GPI: variants seen among roughly 807,000 people sequenced by gnomAD.
The protein encoded by GPI is D-hexose-6-phosphate anomerase.
In GPI, 56 loss-of-function variants were observed where a neutral mutation model predicts 75.8. The ratio of observed to expected loss-of-function variants is 0.74; its 90% CI spans 0.60 to 0.92. The LOEUF (loss-of-function observed/expected upper bound fraction) is 0.92, where lower values mean the gene tolerates loss of function less well. GPI is among the 40% of genes least tolerant of loss of function. GPI has a pLI of 0.00. For missense variants in GPI, 638 were observed against 741.0 expected (o/e 0.86, Z 1.61); for synonymous variants, 288 against 285.4 (o/e 1.01, Z -0.09).
At chr19:34,396,213 C>G (rs925628245) in intron 12 of GPI, 88 bp from the exon 13 acceptor site, 1 of 1,482,352 alleles carries the variant, frequency 6.7e-7, no homozygotes, top group Non-Finnish European at 9.3e-7. Flanking sequence ...GCTGGAATTA[C>G]AGGCTTGAGC....
chr19:34,377,727 C>G lies in GPI; in HGVS notation c.487-8C>G. 6.2e-7 allele frequency: 1 copy of G among 1,613,796 alleles called. No homozygotes were observed. ...ATTCTTATTCTCTGATGCTATGTCT[C>G]CCCGCAGGGACCCCTCATGGTGACT... On this transcript the variant is annotated splice_region_variant and splice_polypyrimidine_tract_variant and intron_variant, in intron 5 of 17. Coordinates refer to ENST00000356487, the MANE Select transcript of GPI (RefSeq NM_000175.5).
At position 34,393,198 on chromosome 19, in the gene GPI, G is replaced by C; in HGVS notation, c.805-50G>C. 7.1e-7 allele frequency: 1 copy of C among 1,399,882 alleles called. No homozygotes were observed. The highest frequency in any genetic ancestry group is 1.0e-6 in the Non-Finnish European group (1 of 984,842). 86.7% of individuals were successfully genotyped at this position (1,399,882 alleles called of 1,614,324 possible). A position where few individuals can be genotyped will look rare whatever the true frequency, so the allele number is the denominator to read the frequency against. ...GGACAGGGTTTCCGGCAGGAGGTGG[G>C]GGGCGGGGTGTGCCGGCCCTCCCTC... On this transcript the variant is annotated intron_variant, in intron 9 of 17. Transcript: ENST00000356487. The surrounding 1 kb of genome is among the most constrained non-coding windows in gnomAD (Gnocchi z 4.4).
intron 16 of GPI, 35 bp from the exon 17 acceptor site, chr19:34,399,683 TG>T: frequency 1.2e-6 from 2 of 1,612,882 alleles, no homozygotes; most frequent in African/African-American, 1.3e-5. Flanking sequence ...AATGGGCTTG[TG>T]GAGCCCTGAT....
At chr19:34,392,763 G>C in intron 9 of GPI, 1 of 203,706 alleles carries the variant, frequency 4.9e-6, no homozygotes, top group Non-Finnish European at 9.6e-6. Flanking sequence ...GCATGGGTGT[G>C]AGACCCTGGG....
chr19:34,386,024 G>A (rs1392792854), intron 9 of GPI, among the ~76,000 whole-genome samples: 1 of 151,932 alleles, frequency 6.6e-6, no homozygotes, highest in African/African-American at 2.4e-5. Flanking sequence ...GTAAGCACAG[G>A]TAGGCAAAGC....
chr19:34,399,747 G>A lies in GPI; in HGVS notation c.1503G>A (p.Gln501=). 2 of 1,614,098 alleles carry A rather than the reference G, an allele frequency of 1.2e-6. No homozygotes were observed. The highest frequency in any genetic ancestry group is 1.7e-6 in the Non-Finnish European group (2 of 1,180,012). ...VAMYEHKIFV[Q]GIIWDINSFD... ...TGTATGAGCACAAGATCTTCGTTCA[G>A]GGCATCATCTGGGACATCAACAGCT... The change falls in exon 17 of 18, where the codon CAG becomes CAA. Residue 501 remains glutamine, a synonymous_variant. Coordinates refer to ENST00000356487, the MANE Select transcript of GPI (RefSeq NM_000175.5).
intron 6 of GPI, 83 bp downstream of exon 6, chr19:34,377,964 C>A: frequency 7.0e-7 from 1 of 1,437,132 alleles, no homozygotes; most frequent in Non-Finnish European, 9.8e-7. Context: ...TCCCCCTGGC[C>A]ATTGGTCCCT....
Position 34,368,636 on chromosome 19 carries a change from G to A in GPI, c.336G>A (p.Leu112=). Residue 112 remains leucine (L), a synonymous_variant, in exon 4 of 18, where the codon CTG becomes CTA. Transcript: ENST00000356487. ...GGAACCGGTCAAACACACCCATCCTGGTAGACGGCAAGGATGTGATGCCAG... is the reference window on the plus strand; with the variant it reads ...GGAACCGGTCAAACACACCCATCCTAGTAGACGGCAAGGATGTGATGCCAG... ...ALRNRSNTPI[L]VDGKDVMPEV... The A allele has an allele frequency of 6.2e-7, 1 of 1,613,850 alleles. No individual in the cohort carries two copies. Among genetic ancestry groups the A allele is most frequent in the Non-Finnish European group, 8.5e-7 (1 of 1,179,698 alleles).
At chr19:34,379,990 G>GTTTTT in intron 8 of GPI, 7 of 102,572 alleles carry the variant, frequency 6.8e-5, no homozygotes, top group South Asian at 2.5e-4. Flanking sequence ...GTGTGGTTTT[G>GTTTTT]TTTTTTTTTT....
At chr19:34,382,425 A>G (rs1599834313) in intron 9 of GPI, among the ~76,000 whole-genome samples, 1 of 152,166 alleles carries the variant, frequency 6.6e-6, no homozygotes, top group African/African-American at 2.4e-5. Context: ...TAATCCCTTA[A>G]GCCATCCACT....
chr19:34,389,212 T>C (rs2074785589), intron 9 of GPI, among the ~76,000 whole-genome samples: 1 of 152,180 alleles, frequency 6.6e-6, no homozygotes, highest in Non-Finnish European at 1.5e-5. Context: ...ACCCAGAGCC[T>C]TTCCAAGTGA....
At chr19:34,389,928 C>T (rs1282249043) in intron 9 of GPI, among the ~76,000 whole-genome samples, 2 of 152,130 alleles carry the variant, frequency 1.3e-5, no homozygotes, top group East Asian at 1.9e-4. Context: ...GGAAGACATC[C>T]GTGAAGTTCT....
intron 7 of GPI, 46 bp from the exon 8 acceptor site, chr19:34,379,472 T>C (rs779913000): frequency 6.3e-7 from 1 of 1,579,684 alleles, no homozygotes; most frequent in East Asian, 2.2e-5. Context: ...TGACTACCCT[T>C]TGTCTCCCTG....
intron 4 of GPI, among the ~76,000 whole-genome samples, chr19:34,371,936 C>CT (rs962553802): frequency 2.2e-3 from 318 of 142,116 alleles, no homozygotes; most frequent in Middle Eastern, 3.5e-3. Flanking sequence ...AGGAGACTTG[C>CT]TTTTTTTTTT....
At chr19:34,399,698 C>A (rs764813498) in intron 16 of GPI, 21 bp from the exon 17 acceptor site, 1 of 1,613,768 alleles carries the variant, frequency 6.2e-7, no homozygotes, top group Non-Finnish European at 8.5e-7. Context: ...CCCTGATGTG[C>A]CCTGTCTGTC....
At chr19:34,370,552 G>A (rs2074435763) in intron 4 of GPI, among the ~76,000 whole-genome samples, 1 of 151,970 alleles carries the variant, frequency 6.6e-6, no homozygotes, top group African/African-American at 2.4e-5. Context: ...AACGCCGTCT[G>A]TACTAAAAAT....
rs998184727 is a variant in GPI, at chr19:34,401,466, C to T, written c.*1430C>T. 1 of 152,256 alleles carries T rather than the reference C, an allele frequency of 6.6e-6. No individual in the cohort carries two copies. Among genetic ancestry groups the T allele is most frequent in the African/African-American group, 2.4e-5 (1 of 41,426 alleles). The allele number at this position is 152,256 out of a possible 1,614,324, so 9.4% of individuals were successfully genotyped here. ...TCGATCTCCTGACCTCGTGATCCGC[C>T]CGCCTCAGCCTCCCAAAGTGCTGGG... On this transcript the variant is annotated 3_prime_UTR_variant, in exon 18 of 18. Coordinates refer to ENST00000356487, the MANE Select transcript of GPI (RefSeq NM_000175.5).
chr19:34,381,682 A>C, intron 9 of GPI, 163 bp downstream of exon 9: 1 of 705,888 alleles, frequency 1.4e-6, no homozygotes, highest in Non-Finnish European at 2.6e-6. Flanking sequence ...GGCAAGAGCA[A>C]CCCAGGCAGG....
In GPI at chr19:34,379,786, G is replaced by A. The variant is rs1203312185; in HGVS notation, c.750+224G>A. The A allele has an allele frequency of 4.6e-6, 3 of 647,038 alleles. No homozygotes were observed. The South Asian group carries it at 5.2e-5, about 11-fold the overall frequency. 40.1% of individuals were successfully genotyped at this position (647,038 alleles called of 1,614,324 possible). A position where few individuals can be genotyped will look rare whatever the true frequency, so the allele number is the denominator to read the frequency against. On this transcript the variant is annotated intron_variant, in intron 8 of 17. Coordinates refer to ENST00000356487, the MANE Select transcript of GPI (RefSeq NM_000175.5). Reference sequence around the variant, plus strand: ...GGAGGCTTGGAGTCAGTGGGATCACGATAACCCCTTCTTCCGTCTCCCAGG... The same window carrying A: ...GGAGGCTTGGAGTCAGTGGGATCACAATAACCCCTTCTTCCGTCTCCCAGG...
Sources: allele counts gnomAD v4.1 joint callset (sites outside exome capture counted in the v4.1 genomes callset), GRCh38; gene constraint gnomAD v4.1.1; non-coding constraint Gnocchi (gnomAD v3.1); transcripts MANE v1.5; gene names NCBI Gene and HGNC (gene_info 2026-07-23, HGNC 2026-07-21).